PDLIM1: variants seen among roughly 807,000 people sequenced by gnomAD.
PDLIM1 encodes the protein PDZ and LIM domain 1.
PDLIM1 carries 25 observed loss-of-function variants against 35.2 expected under a neutral mutation model. The ratio of observed to expected loss-of-function variants is 0.71; its 90% CI spans 0.52 to 0.99. PDLIM1 has a LOEUF of 0.99. PDLIM1 is among the 50% of genes least tolerant of loss of function. PDLIM1 has a pLI of 0.00. For synonymous variants in PDLIM1, 152 were observed against 154.0 expected (o/e 0.99, Z 0.10); for missense variants, 363 against 415.3 (o/e 0.87, Z 1.09).
Position 95,290,253 on chromosome 10 carries a change from T to C in PDLIM1, c.96+567A>G, listed in dbSNP as rs1340725207. 1.3e-5 allele frequency among the ~76,000 whole-genome samples: 2 copies of C among 151,946 alleles called. No individual in the cohort carries two copies. Among genetic ancestry groups the C allele is most frequent in the East Asian group, 3.9e-4 (2 of 5,186 alleles). On this transcript the variant is annotated intron_variant, in intron 1 of 6. Transcript: ENST00000329399. This position sits in a 1 kb window ranked among gnomAD's most constrained non-coding sequence, Gnocchi z 4.7. ...AAGAGGGTTTACTTGAGTTTGTTTG[T>C]TGTGTTTATTTCCCGAATCCAGCAC...
At chr10:95,242,841 C>A in intron 5 of PDLIM1, among the ~76,000 whole-genome samples, 1 of 152,180 alleles carries the variant, frequency 6.6e-6, no homozygotes, top group East Asian at 1.9e-4. Context: ...GCTGATGAAG[C>A]CATCTGGCTG....
intron 3 of PDLIM1, among the ~76,000 whole-genome samples, chr10:95,264,769 G>T (rs1482609943): frequency 1.3e-5 from 2 of 152,136 alleles, no homozygotes; most frequent in African/African-American, 4.8e-5. Context: ...TCTGTAATTT[G>T]AGAAAGTTCC....
intron 1 of PDLIM1, among the ~76,000 whole-genome samples, chr10:95,274,739 C>T (rs2035497118): frequency 6.6e-6 from 1 of 152,178 alleles, no homozygotes; most frequent in Admixed American, 6.5e-5. Context: ...TGTCTGCCTT[C>T]TGTGCTGTGA....
chr10:95,273,483 C>T (rs2035482528), intron 1 of PDLIM1: 1 of 152,174 alleles, frequency 6.6e-6, no homozygotes, highest in South Asian at 2.1e-4. Context: ...ACCCTGACCC[C>T]AAAAAATGAG....
At chr10:95,269,674 T>G (rs2035446050) in intron 2 of PDLIM1, among the ~76,000 whole-genome samples, 2 of 152,122 alleles carry the variant, frequency 1.3e-5, no homozygotes, top group Non-Finnish European at 1.5e-5. Context: ...TCAGTTTTCA[T>G]TAGTGTCGTT....
intron 1 of PDLIM1, among the ~76,000 whole-genome samples, chr10:95,281,641 C>T (rs531600374): frequency 6.6e-6 from 1 of 152,304 alleles, no homozygotes; most frequent in South Asian, 2.1e-4. Flanking sequence ...GCAAATGAAG[C>T]ATTGCATAAG....
intron 3 of PDLIM1, among the ~76,000 whole-genome samples, chr10:95,266,701 T>A (rs7912686): frequency 6.6e-6 from 1 of 152,040 alleles, no homozygotes; most frequent in Non-Finnish European, 1.5e-5. Flanking sequence ...AGAATGGAAG[T>A]CAATGGAAAA....
At chr10:95,288,974 T>G (rs1296834394) in intron 1 of PDLIM1, among the ~76,000 whole-genome samples, 1 of 152,204 alleles carries the variant, frequency 6.6e-6, no homozygotes, top group Non-Finnish European at 1.5e-5. Context: ...AAATAATAAA[T>G]GAGTGAATAT....
chr10:95,262,149 C>A (rs2133424812), intron 4 of PDLIM1, among the ~76,000 whole-genome samples: 2 of 152,202 alleles, frequency 1.3e-5, no homozygotes, highest in South Asian at 4.1e-4. Context: ...CAAGGAATGC[C>A]CAAGGAGCCC....
At chr10:95,269,754 CAG>C (rs1489462416) in intron 2 of PDLIM1, among the ~76,000 whole-genome samples, 5 of 151,964 alleles carry the variant, frequency 3.3e-5, no homozygotes, top group African/African-American at 1.2e-4. Flanking sequence ...TTTTTTGAGA[CAG>C]AGTCTCGCTC....
chr10:95,244,630 T>C (rs1383178466), intron 5 of PDLIM1, among the ~76,000 whole-genome samples: 1 of 152,054 alleles, frequency 6.6e-6, no homozygotes, highest in African/African-American at 2.4e-5. Flanking sequence ...CCGGGTGCAG[T>C]GGCTCACATC....
At chr10:95,272,114 T>C (rs896607768) in intron 1 of PDLIM1, among the ~76,000 whole-genome samples, 1 of 152,146 alleles carries the variant, frequency 6.6e-6, no homozygotes, top group Non-Finnish European at 1.5e-5. Context: ...CTCCAACTAG[T>C]GTATTACTGA....
chr10:95,256,985 AAAAAGAAAG>A (rs1410272000), intron 4 of PDLIM1, among the ~76,000 whole-genome samples: 4 of 119,182 alleles, frequency 3.4e-5, no homozygotes, highest in African/African-American at 8.9e-5. Context: ...AAAAAAAAAA[AAAAAGAAAG>A]AAAGAAAGAA....
At chr10:95,276,803 C>T (rs2035515063) in intron 1 of PDLIM1, among the ~76,000 whole-genome samples, 1 of 147,320 alleles carries the variant, frequency 6.8e-6, no homozygotes, top group South Asian at 2.2e-4. Context: ...AGTCCACCCA[C>T]TTAACCAACT....
In PDLIM1 at chr10:95,237,597, AAAAAC is replaced by A. The variant is rs2035136405; in HGVS notation, c.*323_*327del. 3.5e-6 allele frequency: 1 copy of A among 283,972 alleles called. No individual in the cohort carries two copies. The allele number at this position is 283,972 out of a possible 1,614,324, so 17.6% of individuals were successfully genotyped here. The stretch of plus-strand genomic sequence containing the variant: ...TTTGTAGTCTATACATTTATTGAGT[AAAAAC>A]AAAATCAGTGTCAGACACGTTATAT... On this transcript the variant is annotated 3_prime_UTR_variant, in exon 7 of 7. Transcript: ENST00000329399.
chr10:95,271,256 G>A (rs1039229573), intron 2 of PDLIM1, among the ~76,000 whole-genome samples: 13 of 151,382 alleles, frequency 8.6e-5, no homozygotes, highest in Middle Eastern at 3.2e-3. Context: ...GGCCAACATG[G>A]TGAAACCCCA....
intron 4 of PDLIM1, among the ~76,000 whole-genome samples, chr10:95,258,104 C>G (rs2035331979): frequency 6.6e-6 from 1 of 152,100 alleles, no homozygotes; most frequent in African/African-American, 2.4e-5. Flanking sequence ...GGGAGCTCCT[C>G]TTTTTAAAAC....
In PDLIM1 at chr10:95,237,930, T is replaced by G; in HGVS notation, c.985A>C (p.Lys329Gln). ...CAGTGGTCAGATCTGCTGGCTCACT[T>G]GGGGAACACAGTGACCACTTCATAA... ...EGYEVVTVFP[K>Q] The change falls in exon 7 of 7, where the codon AAG becomes CAG. Residue 329 changes from lysine to glutamine, a missense_variant. Transcript: ENST00000329399. The G allele has an allele frequency of 6.2e-7, 1 of 1,613,744 alleles. No individual in the cohort carries two copies. The highest frequency in any genetic ancestry group is 1.1e-5 in the South Asian group (1 of 91,020).
intron 4 of PDLIM1, among the ~76,000 whole-genome samples, chr10:95,260,042 C>T (rs564549194): frequency 1.3e-5 from 2 of 152,336 alleles, no homozygotes; most frequent in East Asian, 3.9e-4. Flanking sequence ...GCCCCCAGTT[C>T]TCAGAAGTGA....
Sources: allele counts gnomAD v4.1 joint callset (sites outside exome capture counted in the v4.1 genomes callset), GRCh38; gene constraint gnomAD v4.1.1; non-coding constraint Gnocchi (gnomAD v3.1); transcripts MANE v1.5; gene names NCBI Gene and HGNC (gene_info 2026-07-23, HGNC 2026-07-21).